The following ZMIZ2 variants were observed in gnomAD, a reference collection of about 807,000 sequenced individuals.
ZMIZ2 encodes the protein zinc finger MIZ domain-containing protein 2.
ZMIZ2 carries 26 observed loss-of-function variants against 93.9 expected under a neutral mutation model. The ratio of observed to expected loss-of-function variants is 0.28; its 90% CI spans 0.20 to 0.38. ZMIZ2 has a LOEUF of 0.38. ZMIZ2 is among the 10% of genes least tolerant of loss of function. The pLI is 1.00. For synonymous variants in ZMIZ2, 485 were observed against 516.4 expected (o/e 0.94, Z 0.82); for missense variants, 1,023 against 1,235.0 (o/e 0.83, Z 2.57).
At chr7:44,758,515 C>T (rs1790822063) in intron 6 of ZMIZ2, among the ~76,000 whole-genome samples, 1 of 151,076 alleles carries the variant, frequency 6.6e-6, no homozygotes, top group African/African-American at 2.4e-5. Context: ...CTGTCTCATG[C>T]CTGTAATCCC....
Position 44,761,473 on chromosome 7 carries a change from G to A in ZMIZ2, c.1265G>A (p.Arg422Gln), listed in dbSNP as rs754735616. 11 of 1,613,758 alleles carry A rather than the reference G, an allele frequency of 6.8e-6. No homozygotes were observed. Among genetic ancestry groups the A allele is most frequent in the Non-Finnish European group, 9.3e-6 (11 of 1,180,036 alleles). ...PSGSGPCDEL[R>Q]LTFPVRDGVV... ...GGAAGCGGGCCTTGTGACGAGTTGC[G>A]GCTGACCTTCCCTGTGCGCGATGGG... is the stretch of plus-strand genomic sequence containing the variant. Residue 422 changes from arginine to glutamine, a missense_variant, in exon 10 of 19, where the codon CGG becomes CAG. By Grantham distance (43) the Arg-to-Gln change is conservative (BLOSUM62 1). Coordinates refer to ENST00000309315, the MANE Select transcript of ZMIZ2 (RefSeq NM_031449.4). The surrounding 1 kb of genome is among the most constrained non-coding windows in gnomAD (Gnocchi z 5.8).
At chr7:44,758,306 C>G (rs566633148) in intron 6 of ZMIZ2, among the ~76,000 whole-genome samples, 198 bp downstream of exon 6, 1 of 151,886 alleles carries the variant, frequency 6.6e-6, no homozygotes, top group African/African-American at 2.4e-5. Context: ...ATGGCGAAAC[C>G]GTGTCTCTAC....
rs765997759 is a variant in ZMIZ2, at chr7:44,757,387, C to T, written c.378C>T (p.Gly126=). 116 of 1,599,750 alleles carry T rather than the reference C, an allele frequency of 7.3e-5. No individual in the cohort carries two copies. Among genetic ancestry groups the T allele is most frequent in the Admixed American group, 5.4e-4 (32 of 59,806 alleles). Reference sequence around the variant, plus strand: ...CCTGTGTCTCCTGCAGGTATGCAGGCGGCCCGGGGGGCCTGGGCCTCCCCT... The same window carrying T: ...CCTGTGTCTCCTGCAGGTATGCAGGTGGCCCGGGGGGCCTGGGCCTCCCCT... The part of the protein sequence containing the change: ...GAPGFTTGYA[G]GPGGLGLPSH... Residue 126 remains glycine (G), a synonymous_variant, in exon 5 of 19, where the codon GGC becomes GGT. Transcript: ENST00000309315.
At chr7:44,753,355 C>T (rs1373658799) in intron 1 of ZMIZ2, among the ~76,000 whole-genome samples, 4 of 152,122 alleles carry the variant, frequency 2.6e-5, no homozygotes, top group Non-Finnish European at 5.9e-5. Context: ...AGTGATCCCT[C>T]CACTGCAGCC....
Position 44,765,152 on chromosome 7 carries a change from G to A in ZMIZ2, c.1997+143G>A, listed in dbSNP as rs1197198954. The A allele has an allele frequency of 9.1e-6, 13 of 1,430,104 alleles. No homozygotes were observed. Among genetic ancestry groups the A allele is most frequent in the Middle Eastern group, 1.8e-4 (1 of 5,622 alleles). 88.6% of individuals were successfully genotyped at this position (1,430,104 alleles called of 1,614,324 possible). On this transcript the variant is annotated intron_variant, in intron 15 of 18. Coordinates refer to ENST00000309315, the MANE Select transcript of ZMIZ2 (RefSeq NM_031449.4). This position sits in a 1 kb window ranked among gnomAD's most constrained non-coding sequence, Gnocchi z 4.1. ...GGCTGGATTCCAGGCCAGAGACAGC[G>A]TGTGTGTCCTACCTGAGTGTTGGTG...
At position 44,766,548 on chromosome 7, in the gene ZMIZ2, C is replaced by T. The variant is rs776071287; in HGVS notation, c.2540C>T (p.Ser847Phe). 26 of 1,613,934 alleles carry T rather than the reference C, an allele frequency of 1.6e-5. No homozygotes were observed. The highest frequency in any genetic ancestry group is 1.4e-4 in the South Asian group (13 of 91,090). Residue 847 changes from serine to phenylalanine, a missense_variant, in exon 18 of 19, where the codon TCC becomes TTC. Physicochemically the swap from Ser to Phe is radical, Grantham distance 155 (BLOSUM62 -2). Transcript: ENST00000309315. The surrounding 1 kb of genome is among the most constrained non-coding windows in gnomAD (Gnocchi z 4.4). ...HSNPPPASRQ[S>F]LGQASLGPTG... Reference sequence around the variant, plus strand: ...AACCCTCCCCCAGCGTCCCGGCAGTCCTTGGGCCAAGCGAGCTTAGGACCT... The same window carrying T: ...AACCCTCCCCCAGCGTCCCGGCAGTTCTTGGGCCAAGCGAGCTTAGGACCT...
At chr7:44,758,145 A>T in intron 6 of ZMIZ2, 37 bp downstream of exon 6, 1 of 1,500,838 alleles carries the variant, frequency 6.7e-7, no homozygotes, top group Non-Finnish European at 8.9e-7. Flanking sequence ...GGCCTTGGGT[A>T]CCAACTCCCT....
At chr7:44,757,717 A>AGG (rs892313689) in intron 5 of ZMIZ2, 131 bp from the exon 6 acceptor site, 2 of 1,091,670 alleles carry the variant, frequency 1.8e-6, no homozygotes, top group African/African-American at 5.8e-5. Flanking sequence ...TGAGGGTCTG[A>AGG]GGGGAGAGGT....
chr7:44,763,504 A>C lies in ZMIZ2; in HGVS notation c.1860+91A>C, dbSNP rs1583650799. 1 of 1,507,248 alleles carries C rather than the reference A, an allele frequency of 6.6e-7. No individual in the cohort carries two copies. Among genetic ancestry groups the C allele is most frequent in the Non-Finnish European group, 9.0e-7 (1 of 1,116,120 alleles). The allele number at this position is 1,507,248 out of a possible 1,614,324, so 93.4% of individuals were successfully genotyped here. A position where few individuals can be genotyped will look rare whatever the true frequency, so the allele number is the denominator to read the frequency against. On this transcript the variant is annotated intron_variant, in intron 13 of 18. Coordinates refer to ENST00000309315, the MANE Select transcript of ZMIZ2 (RefSeq NM_031449.4). This position sits in a 1 kb window ranked among gnomAD's most constrained non-coding sequence, Gnocchi z 5.6. Reference sequence around the variant, plus strand: ...AGTGTCATTCTCTGGACAGACGTGAACTCCGAGTGCCTTGGCTGTCAGGCT... The same window carrying C: ...AGTGTCATTCTCTGGACAGACGTGACCTCCGAGTGCCTTGGCTGTCAGGCT...
rs117540152 is a variant in ZMIZ2, at chr7:44,752,600, A to G, written c.-62-3588A>G. 8.0e-3 allele frequency among the ~76,000 whole-genome samples: 1,224 copies of G among 152,334 alleles called. 25 individuals carry two copies. Among genetic ancestry groups the G allele is most frequent in the Admixed American group, 0.027 (420 of 15,296 alleles). On this transcript the variant is annotated intron_variant, in intron 1 of 18. Coordinates refer to ENST00000309315, the MANE Select transcript of ZMIZ2 (RefSeq NM_031449.4). The stretch of plus-strand genomic sequence containing the variant: ...TTGGTGTGTCAAGAATGCTAAATAA[A>G]GGAATCGTACACCGTGTAGCCTCTT...
Position 44,765,191 on chromosome 7 carries a change from C to A in ZMIZ2, c.1998-144C>A, listed in dbSNP as rs991307837. ...TGAGTGTTGGTGCTGGGCCCAGCGT[C>A]CTGCTCGATGTGGAAGGTGCTGGGT... is the stretch of plus-strand genomic sequence containing the variant. On this transcript the variant is annotated intron_variant, in intron 15 of 18. Coordinates refer to ENST00000309315, the MANE Select transcript of ZMIZ2 (RefSeq NM_031449.4). The surrounding 1 kb of genome is among the most constrained non-coding windows in gnomAD (Gnocchi z 4.1). The A allele has an allele frequency of 6.7e-7, 1 of 1,495,372 alleles. No homozygotes were observed. The allele number at this position is 1,495,372 out of a possible 1,614,324, so 92.6% of individuals were successfully genotyped here. A position where few individuals can be genotyped will look rare whatever the true frequency, so the allele number is the denominator to read the frequency against.
At chr7:44,752,701 C>T (rs1790260819) in intron 1 of ZMIZ2, among the ~76,000 whole-genome samples, 2 of 152,166 alleles carry the variant, frequency 1.3e-5, no homozygotes, top group South Asian at 4.1e-4. Flanking sequence ...TAGTTCATTC[C>T]TTTATATTGC....
chr7:44,760,440 C>T lies in ZMIZ2; in HGVS notation c.1087C>T (p.Pro363Ser), dbSNP rs761907845. The T allele has an allele frequency of 8.1e-6, 13 of 1,613,934 alleles. No homozygotes were observed. Among genetic ancestry groups the T allele is most frequent in the Non-Finnish European group, 1.1e-5 (13 of 1,179,982 alleles). ...PGLSGPTRSI[P>S]GYPSSPLPGN... ...AACCCTACAGCCTACCCGTTCCATC[C>T]CGGGCTATCCCAGTTCCCCACTGCC... The change falls in exon 9 of 19, where the codon CCG becomes TCG. Residue 363 changes from proline to serine, a missense_variant. By Grantham distance (74) the Pro-to-Ser change is moderately conservative. Around this residue, in one of 3 missense-constraint regions of ZMIZ2, gnomAD observed 656 missense variants for 777.1 expected, o/e 0.84. Transcript: ENST00000309315.
rs1789919662 is a variant in ZMIZ2 at position 44,749,265 on chromosome 7, G to T, written c.-63+274G>T. 2.0e-5 allele frequency among the ~76,000 whole-genome samples: 3 copies of T among 152,198 alleles called. No homozygotes were observed. The South Asian group carries it at 6.2e-4, about 31-fold the overall frequency. Reference sequence around the variant, plus strand: ...GCCCCGTGGGCGTCAGGGTCATCCAGCCCTCCCCTGAGTCTTTGTTGGAGG... The same window carrying T: ...GCCCCGTGGGCGTCAGGGTCATCCATCCCTCCCCTGAGTCTTTGTTGGAGG... On this transcript the variant is annotated intron_variant, in intron 1 of 18. Coordinates refer to ENST00000309315, the MANE Select transcript of ZMIZ2 (RefSeq NM_031449.4).
chr7:44,753,446 C>T (rs1790331823), intron 1 of ZMIZ2, among the ~76,000 whole-genome samples: 1 of 152,118 alleles, frequency 6.6e-6, no homozygotes, highest in African/African-American at 2.4e-5. Flanking sequence ...GGGTCTCACT[C>T]TGTTGCCCAG....
At position 44,767,542 on chromosome 7, in the gene ZMIZ2, T is replaced by A. The variant is rs760408031; in HGVS notation, c.2682T>A (p.Asp894Glu). The change falls in exon 19 of 19, where the codon GAT (aspartate) becomes GAA (glutamate). Residue 894 changes from aspartate to glutamate, a missense_variant. Asp to Glu is a conservative substitution (Grantham distance 45). Transcript: ENST00000309315. The stretch of plus-strand genomic sequence containing the variant: ...TGCTCCCGGAACTGACCAACCCTGA[T>A]GAGCTACTGTCCTACTTGGGCCCAC... ...LDLLPELTNP[D>E]ELLSYLGPPD... is the part of the protein sequence containing the mutation. The A allele has an allele frequency of 1.2e-6, 2 of 1,614,018 alleles. No homozygotes were observed. The highest frequency in any genetic ancestry group is 1.7e-5 in the Admixed American group (1 of 60,024).
rs765711789 is a variant in ZMIZ2, at chr7:44,766,223, A to G, written c.2302A>G (p.Thr768Ala). ...PESFPPTTPSTPTLAEFTPGP... is the reference protein window; with the variant it reads ...PESFPPTTPSAPTLAEFTPGP... ...GTCCTTCCCACCCACCACGCCCAGC[A>G]CCCCAACCCTTGCTGAGTTCACCCC... Residue 768 changes from threonine (T) to alanine (A), a missense_variant, in exon 17 of 19, where the codon ACC (threonine) becomes GCC (alanine). Around this residue, in one of 3 missense-constraint regions of ZMIZ2, gnomAD observed 319 missense variants for 358.8 expected, o/e 0.89. Coordinates refer to ENST00000309315, the MANE Select transcript of ZMIZ2 (RefSeq NM_031449.4). The surrounding 1 kb of genome is among the most constrained non-coding windows in gnomAD (Gnocchi z 4.4). The G allele has an allele frequency of 1.5e-6, 2 of 1,347,722 alleles. No individual in the cohort carries two copies. The highest frequency in any genetic ancestry group is 2.0e-4 in the Middle Eastern group (1 of 4,994). The allele number at this position is 1,347,722 out of a possible 1,614,324, so 83.5% of individuals were successfully genotyped here. A position where few individuals can be genotyped will look rare whatever the true frequency, so the allele number is the denominator to read the frequency against.
In ZMIZ2 at chr7:44,760,445, C is replaced by T. The variant is rs1052616237; in HGVS notation, c.1092C>T (p.Gly364=). The T allele has an allele frequency of 3.7e-6, 6 of 1,614,076 alleles. No homozygotes were observed. The Admixed American group carries it at 5.0e-5, about 13-fold the overall frequency. Residue 364 remains glycine (G), a synonymous_variant, in exon 9 of 19, where the codon GGC becomes GGT. Coordinates refer to ENST00000309315, the MANE Select transcript of ZMIZ2 (RefSeq NM_031449.4). ...GLSGPTRSIP[G]YPSSPLPGNP... The stretch of plus-strand genomic sequence containing the variant: ...TACAGCCTACCCGTTCCATCCCGGG[C>T]TATCCCAGTTCCCCACTGCCAGGGA...
intron 1 of ZMIZ2, among the ~76,000 whole-genome samples, chr7:44,754,606 G>A (rs900853013): frequency 2.0e-5 from 3 of 152,312 alleles, no homozygotes; most frequent in East Asian, 1.9e-4. Context: ...TGAGGGGTGA[G>A]GCTGTTCCTA....
Sources: gnomAD v4.1 joint callset for allele counts (sites outside exome capture counted in the v4.1 genomes callset) on GRCh38, gnomAD v4.1.1 for gene constraint, gnomAD v4.1.1 regional missense constraint, Gnocchi (gnomAD v3.1) non-coding constraint, MANE v1.5 for transcripts, NCBI Gene and HGNC (gene_info 2026-07-23, HGNC 2026-07-21) for gene names.